The following ANKRD29 variants were observed in gnomAD, a reference collection of about 807,000 sequenced individuals.
ANKRD29 encodes the protein ankyrin repeat domain 29.
In ANKRD29, 32 loss-of-function variants were observed where a neutral mutation model predicts 38.0. The ratio of observed to expected loss-of-function variants is 0.84; its 90% CI spans 0.64 to 1.13. ANKRD29 has a LOEUF of 1.13. Ranked by LOEUF, ANKRD29 falls within the 50% of genes most tolerant of loss-of-function variation. The probability of loss-of-function intolerance (pLI) is 0.00; values close to 1 mark genes in which losing one functional copy is unlikely to be tolerated. For synonymous variants in ANKRD29, 135 were observed against 152.4 expected (o/e 0.89, Z 0.84); for missense variants, 357 against 377.9 (o/e 0.94, Z 0.46).
At chr18:23,635,068 C>A (rs2059985409) in intron 4 of ANKRD29, among the ~76,000 whole-genome samples, 1 of 152,148 alleles carries the variant, frequency 6.6e-6, no homozygotes, top group African/African-American at 2.4e-5. Flanking sequence ...TTGTCCAGGG[C>A]TCTTTAAAAG....
At chr18:23,629,614 A>C (rs987662825) in intron 6 of ANKRD29, among the ~76,000 whole-genome samples, 1 of 152,228 alleles carries the variant, frequency 6.6e-6, no homozygotes, top group Admixed American at 6.5e-5. Flanking sequence ...GACATCAAAT[A>C]CTTAAGTTTT....
At chr18:23,657,550 AT>A (rs2060300712) in intron 1 of ANKRD29, among the ~76,000 whole-genome samples, 1 of 152,174 alleles carries the variant, frequency 6.6e-6, no homozygotes, top group African/African-American at 2.4e-5. Context: ...ACCACTATCT[AT>A]TCCAGATTAT....
chr18:23,631,413 TA>T (rs960991272), intron 5 of ANKRD29, among the ~76,000 whole-genome samples: 62 of 151,880 alleles, frequency 4.1e-4, no homozygotes, highest in Admixed American at 2.4e-3. Flanking sequence ...GTTAATTTTT[TA>T]AAAAAATTTA....
At chr18:23,613,651 G>C (rs1312993347) in intron 8 of ANKRD29, among the ~76,000 whole-genome samples, 2 of 149,922 alleles carry the variant, frequency 1.3e-5, no homozygotes, top group Non-Finnish European at 2.9e-5. Context: ...CCAGGCTTGA[G>C]TGCAGTGGTG....
intron 6 of ANKRD29, among the ~76,000 whole-genome samples, chr18:23,626,010 G>C (rs1386434327): frequency 1.3e-5 from 2 of 152,154 alleles, no homozygotes; most frequent in South Asian, 2.1e-4. Context: ...CACTTTTTCT[G>C]AGTGTGTACC....
rs373236274 is a variant in ANKRD29 at position 23,638,732 on chromosome 18, G to T, written c.330+117C>A. 937 of 814,650 alleles carry T rather than the reference G, an allele frequency of 1.2e-3. 20 individuals carry two copies. In the South Asian group the frequency reaches 0.017, roughly 15 times the overall value. The allele number at this position is 814,650 out of a possible 1,614,324, so 50.5% of individuals were successfully genotyped here. ...AACCTTGAGGAAATCCACTTACTTA[G>T]GTTTGAGAATCTTGTAAAAAGGGAA... On this transcript the variant is annotated intron_variant, in intron 4 of 9. Transcript: ENST00000592179.
intron 3 of ANKRD29, among the ~76,000 whole-genome samples, chr18:23,640,204 G>A (rs1402511236): frequency 6.6e-6 from 1 of 152,194 alleles, no homozygotes; most frequent in Non-Finnish European, 1.5e-5. Context: ...AGAGAGTGCT[G>A]ACAGCCACCA....
At chr18:23,630,625 T>C (rs2059918741) in intron 5 of ANKRD29, among the ~76,000 whole-genome samples, 1 of 151,716 alleles carries the variant, frequency 6.6e-6, no homozygotes, top group Non-Finnish European at 1.5e-5. Context: ...TGTCTCAAAA[T>C]AAATAAAATA....
intron 2 of ANKRD29, 85 bp from the exon 3 acceptor site, chr18:23,646,372 G>C (rs1038199256): frequency 3.2e-6 from 4 of 1,238,798 alleles, no homozygotes; most frequent in Non-Finnish European, 4.6e-6. Context: ...AGAGATGTCA[G>C]CTCCACTCAG....
chr18:23,619,828 C>A (rs1266101604), intron 6 of ANKRD29, 199 bp from the exon 7 acceptor site: 6 of 496,082 alleles, frequency 1.2e-5, no homozygotes, highest in Non-Finnish European at 1.8e-5. Flanking sequence ...CGGACGCAGA[C>A]GGCACGTGGC....
At chr18:23,631,821 C>A (rs1379641898) in intron 5 of ANKRD29, among the ~76,000 whole-genome samples, 1 of 152,172 alleles carries the variant, frequency 6.6e-6, no homozygotes, top group Non-Finnish European at 1.5e-5. Flanking sequence ...TCGGTGCTTT[C>A]GGCAGACGTG....
chr18:23,617,143 G>A (rs1355181486), intron 8 of ANKRD29, among the ~76,000 whole-genome samples: 1 of 152,144 alleles, frequency 6.6e-6, no homozygotes, highest in Non-Finnish European at 1.5e-5. Flanking sequence ...CTTGAACCTG[G>A]GAGGCAGAGG....
chr18:23,626,200 G>A (rs926814836), intron 6 of ANKRD29, among the ~76,000 whole-genome samples: 8 of 152,068 alleles, frequency 5.3e-5, no homozygotes, highest in African/African-American at 1.9e-4. Flanking sequence ...TTAATTTCTG[G>A]GTCCAGCTAC....
intron 3 of ANKRD29, among the ~76,000 whole-genome samples, chr18:23,642,066 T>A (rs1054599236): frequency 6.6e-6 from 1 of 152,098 alleles, no homozygotes; most frequent in Non-Finnish European, 1.5e-5. Context: ...CCACTTTGGG[T>A]CTCCTGGGAG....
chr18:23,630,050 C>A, intron 5 of ANKRD29, 99 bp from the exon 6 acceptor site: 1 of 995,162 alleles, frequency 1.0e-6, no homozygotes, highest in Non-Finnish European at 1.5e-6. Flanking sequence ...GTAATCACAG[C>A]ACTTTGGGAG....
At chr18:23,649,650 C>A in intron 1 of ANKRD29, 1 of 443,332 alleles carries the variant, frequency 2.3e-6, no homozygotes. Context: ...TGCCCGTTTC[C>A]TAAGCCCTCA....
chr18:23,634,501 G>A (rs2059978713), intron 4 of ANKRD29, among the ~76,000 whole-genome samples: 1 of 151,816 alleles, frequency 6.6e-6, no homozygotes. Flanking sequence ...TGTTGGTCAT[G>A]CTGGTCTTGA....
At chr18:23,641,364 C>T (rs902612067) in intron 3 of ANKRD29, among the ~76,000 whole-genome samples, 3 of 152,254 alleles carry the variant, frequency 2.0e-5, no homozygotes, top group East Asian at 1.9e-4. Context: ...AGTGCCTGCT[C>T]CTGCTCCCTG....
In ANKRD29 at chr18:23,647,089, G is replaced by A. The variant is rs986969196; in HGVS notation, c.133-802C>T. On this transcript the variant is annotated intron_variant, in intron 2 of 9. Coordinates refer to ENST00000592179, the MANE Select transcript of ANKRD29 (RefSeq NM_173505.4). ...GAGACAGGTGACTCTGCACACAGGG[G>A]AGGCTCATTAGGTATAGGGTAATTA... 2.0e-5 allele frequency: 3 copies of A among 152,250 alleles called. No individual in the cohort carries two copies. The East Asian group carries it at 5.8e-4, about 29-fold the overall frequency. The allele number at this position is 152,250 out of a possible 1,614,324, so 9.4% of individuals were successfully genotyped here.
Sources: gnomAD v4.1 joint callset for allele counts (sites outside exome capture counted in the v4.1 genomes callset) on GRCh38, gnomAD v4.1.1 for gene constraint, MANE v1.5 for transcripts, NCBI Gene and HGNC (gene_info 2026-07-23, HGNC 2026-07-21) for gene names.